Variants in SATB1 observed in about 807,000 individuals in gnomAD.
The protein encoded by SATB1 is SATB homeobox 1.
SATB1 carries 11 observed loss-of-function variants against 86.9 expected under a neutral mutation model. The ratio of observed to expected loss-of-function variants is 0.13; its 90% CI spans 0.08 to 0.21. SATB1 has a LOEUF of 0.21. Ranked by LOEUF, SATB1 falls within the 10% of genes least tolerant of loss-of-function variation. SATB1 has a pLI of 1.00. For missense variants in SATB1, 551 were observed against 937.6 expected, an observed-to-expected ratio of 0.59 and a Z score of 5.39; for synonymous variants, 357 against 357.2, an observed-to-expected ratio of 1.00 and a Z score of 0.01.
intron 9 of SATB1, among the ~76,000 whole-genome samples, chr3:18,369,790 C>T (rs571492814): frequency 1.3e-4 from 20 of 152,286 alleles, no homozygotes; most frequent in African/African-American, 4.6e-4. Context: ...ACTCGCACTA[C>T]ATCTGGTTGT....
intron 9 of SATB1, among the ~76,000 whole-genome samples, chr3:18,358,101 T>C (rs887933858): frequency 2.0e-5 from 3 of 152,002 alleles, no homozygotes; most frequent in South Asian, 4.1e-4. Context: ...CAAAGTGGTA[T>C]TGATCTTTCC....
At chr3:18,417,818 A>C in intron 2 of SATB1, 1 of 577,454 alleles carries the variant, frequency 1.7e-6, no homozygotes, top group Non-Finnish European at 3.0e-6. Flanking sequence ...ACAGTAAATA[A>C]GGTAAAAATG....
upstream of SATB1, among the ~76,000 whole-genome samples, chr3:18,439,126 G>C (rs1332647158): frequency 2.0e-5 from 3 of 152,088 alleles, no homozygotes; most frequent in Non-Finnish European, 4.4e-5. Context: ...CAAATAACTG[G>C]ACTGAATAAA....
rs867676067 is a variant in SATB1 at position 18,432,395 on chromosome 3, T to C, written c.-25+4394A>G. On this transcript the variant is annotated intron_variant, in intron 2 of 3. Coordinates refer to the SATB1 transcript ENST00000414509. The stretch of plus-strand genomic sequence containing the variant: ...TTATTTCTAATCTTTCCTAGCTTAA[T>C]TGGAGGGAGAAAGAATTCGCGATAA... 5.9e-5 allele frequency among the ~76,000 whole-genome samples: 9 copies of C among 152,286 alleles called. No individual in the cohort carries two copies. The South Asian group carries it at 1.2e-3, about 21-fold the overall frequency.
chr3:18,445,489 C>G, intron 1 of SATB1: 2 of 985,420 alleles, frequency 2.0e-6, no homozygotes, highest in Non-Finnish European at 2.4e-6. Flanking sequence ...CGGCGCGGTT[C>G]TCGTCGCCCG....
intron 7 of SATB1, among the ~76,000 whole-genome samples, chr3:18,388,605 G>C (rs1186606161): frequency 3.3e-5 from 5 of 152,034 alleles, no homozygotes; most frequent in Non-Finnish European, 7.4e-5. Flanking sequence ...GACCACAATG[G>C]AGAAAACAAT....
rs183891633 is a variant in SATB1, at chr3:18,353,238, A to G, written c.1576-1043T>C. ...CAGTGACTGGCTGACCCAGTGGCAC[A>G]AAGTCTCTGCCCCTGTTTCTGAAAA... On this transcript the variant is annotated intron_variant, in intron 9 of 10. Coordinates refer to ENST00000338745, the MANE Select transcript of SATB1 (RefSeq NM_002971.6). Among the ~76,000 whole-genome samples the G allele has an allele frequency of 1.7e-3, 254 of 152,238 alleles. 2 individuals carry two copies. The highest frequency in any genetic ancestry group is 2.2e-4 in the Non-Finnish European group (15 of 68,014).
Position 18,423,753 on chromosome 3 carries a change from A to G in SATB1, c.-151T>C, listed in dbSNP as rs944436506. ...TTTTTTTTTTTAATTAAAAAAAAAA[A>G]AATAAAAAAGCAGCAGACCTGAAGG... On this transcript the variant is annotated 5_prime_UTR_variant, in exon 1 of 11. Coordinates refer to ENST00000338745, the MANE Select transcript of SATB1 (RefSeq NM_002971.6). The G allele has an allele frequency of 1.3e-5, 2 of 151,674 alleles. No individual in the cohort carries two copies. The highest frequency in any genetic ancestry group is 3.4e-3 in the Middle Eastern group (1 of 294). 9.4% of individuals were successfully genotyped at this position (151,674 alleles called of 1,614,324 possible).
intron 1 of SATB1, among the ~76,000 whole-genome samples, chr3:18,437,415 C>T (rs1383132922): frequency 6.6e-6 from 1 of 152,050 alleles, no homozygotes; most frequent in Non-Finnish European, 1.5e-5. Flanking sequence ...TGACTCCATA[C>T]ATTCTAAAAG....
Position 18,347,583 on chromosome 3 carries a change from A to G in SATB1, c.*1587T>C, listed in dbSNP as rs1694121384. The G allele has an allele frequency of 6.6e-6, 1 of 152,150 alleles. No homozygotes were observed. The highest frequency in any genetic ancestry group is 6.5e-5 in the Admixed American group (1 of 15,274). 9.4% of individuals were successfully genotyped at this position (152,150 alleles called of 1,614,324 possible). On this transcript the variant is annotated 3_prime_UTR_variant, in exon 11 of 11. Coordinates refer to ENST00000338745, the MANE Select transcript of SATB1 (RefSeq NM_002971.6). ...TAATGGCCTTTAGAAATATTTATAC[A>G]TTAGCTTAAGGAAAAGCATTGCTAT...
intron 9 of SATB1, among the ~76,000 whole-genome samples, chr3:18,360,608 A>G (rs1694862130): frequency 6.6e-6 from 1 of 151,906 alleles, no homozygotes; most frequent in South Asian, 2.1e-4. Context: ...AAATGATTAT[A>G]TCTCATATAG....
chr3:18,435,002 C>T (rs913871279), intron 2 of SATB1: 1 of 152,078 alleles, frequency 6.6e-6, no homozygotes, highest in Non-Finnish European at 1.5e-5. Context: ...ATTTTCTAAA[C>T]GTTGTGTATT....
intron 7 of SATB1, among the ~76,000 whole-genome samples, chr3:18,389,166 GT>G (rs1431501639): frequency 6.6e-6 from 1 of 151,084 alleles, no homozygotes; most frequent in Non-Finnish European, 1.5e-5. Context: ...TCTGAAATAT[GT>G]TGATGGTATA....
intron 6 of SATB1, among the ~76,000 whole-genome samples, chr3:18,395,874 T>C (rs886415160): frequency 8.5e-5 from 13 of 152,238 alleles, no homozygotes; most frequent in African/African-American, 2.9e-4. Flanking sequence ...ACTGGTTCGA[T>C]GCTCTTGGCT....
At chr3:18,357,288 T>A (rs923837622) in intron 9 of SATB1, among the ~76,000 whole-genome samples, 2 of 151,772 alleles carry the variant, frequency 1.3e-5, no homozygotes, top group African/African-American at 4.8e-5. Context: ...AAAGCATGAA[T>A]TACATTTCAG....
chr3:18,352,096 G>A lies in SATB1; in HGVS notation c.1675C>T (p.Pro559Ser). The change falls in exon 10 of 11, where the codon CCT becomes TCT. Residue 559 changes from proline to serine, a missense_variant. Physicochemically the swap from Pro to Ser is moderately conservative, Grantham distance 74. Around this residue, in one of 8 missense-constraint regions of SATB1, gnomAD observed 110 missense variants for 212.2 expected, o/e 0.52. Coordinates refer to ENST00000338745, the MANE Select transcript of SATB1 (RefSeq NM_002971.6). The surrounding 1 kb of genome is among the most constrained non-coding windows in gnomAD (Gnocchi z 4.1). ...LSMIRRFLSL[P>S]QPERDAIYEQ... ...TAAATGGCATCACGTTCTGGCTGAG[G>A]AAGACTGAGGAACCTTCGGATCATG... is the stretch of plus-strand genomic sequence containing the variant. 1 of 1,614,184 alleles carries A rather than the reference G, an allele frequency of 6.2e-7. No individual in the cohort carries two copies. Among genetic ancestry groups the A allele is most frequent in the Non-Finnish European group, 8.5e-7 (1 of 1,180,034 alleles).
rs372060615 is a variant in SATB1 at position 18,349,242 on chromosome 3, A to G, written c.2220T>C (p.Leu740=). The G allele has an allele frequency of 6.2e-7, 1 of 1,614,142 alleles. No homozygotes were observed. ...GCTCTTCTTCTAGTTTCACTGAAAA[A>G]AGGGTGTTAGTATTTTTATCTTGGA... The part of the protein sequence containing the change: ...ESVQDKNTNT[L]FSVKLEEELS... The change falls in exon 11 of 11, where the codon CTT becomes CTC. Residue 740 remains leucine (L), a synonymous_variant. Coordinates refer to ENST00000338745, the MANE Select transcript of SATB1 (RefSeq NM_002971.6). The surrounding 1 kb of genome is among the most constrained non-coding windows in gnomAD (Gnocchi z 5.5).
At chr3:18,363,797 T>C (rs1329878328) in intron 9 of SATB1, among the ~76,000 whole-genome samples, 1 of 152,144 alleles carries the variant, frequency 6.6e-6, no homozygotes, top group East Asian at 1.9e-4. Flanking sequence ...TCTTGTCCAG[T>C]GAGGTAAGAA....
At chr3:18,381,466 G>A (rs1696059773) in intron 8 of SATB1, among the ~76,000 whole-genome samples, 1 of 152,264 alleles carries the variant, frequency 6.6e-6, no homozygotes, top group South Asian at 2.1e-4. Context: ...ACAGCCCGGA[G>A]GAGGTATTAT....
Sources: allele counts gnomAD v4.1 joint callset (sites outside exome capture counted in the v4.1 genomes callset), GRCh38; gene constraint gnomAD v4.1.1; regional missense constraint gnomAD v4.1.1; non-coding constraint Gnocchi (gnomAD v3.1); transcripts MANE v1.5; gene names NCBI Gene and HGNC (gene_info 2026-07-23, HGNC 2026-07-21).